Variants in SLC44A3 observed in about 807,000 individuals in gnomAD.
The protein encoded by SLC44A3 is choline transporter-like protein 3.
A neutral mutation model predicts 75.4 loss-of-function variants in SLC44A3; 74 were observed. That is an observed-to-expected ratio of 0.98 (90% CI 0.81 to 1.19). The LOEUF is 1.19. Among genes scored for constraint, SLC44A3 ranks in the 50% most tolerant of loss-of-function variants. The pLI, the probability that SLC44A3 is intolerant of heterozygous loss-of-function variation, is 0.00. For synonymous variants in SLC44A3, 310 were observed against 296.9 expected (o/e 1.04, Z -0.45); for missense variants, 700 against 778.6 (o/e 0.90, Z 1.20).
At chr1:94,876,117 G>C (rs570438619) in intron 12 of SLC44A3, among the ~76,000 whole-genome samples, 27 of 152,312 alleles carry the variant, frequency 1.8e-4, no homozygotes, top group Non-Finnish European at 3.7e-4. Flanking sequence ...GGGCTAGGCC[G>C]GGCCGGGCCG....
intron 13 of SLC44A3, among the ~76,000 whole-genome samples, chr1:94,891,740 T>C (rs1275576635): frequency 6.6e-6 from 1 of 152,044 alleles, no homozygotes; most frequent in African/African-American, 2.4e-5. Context: ...CTGGCCAACA[T>C]GGGAAAACCC....
chr1:94,824,544 T>G lies in SLC44A3; in HGVS notation c.187T>G (p.Phe63Val). 1 of 1,612,244 alleles carries G rather than the reference T, an allele frequency of 6.2e-7. No homozygotes were observed. The highest frequency in any genetic ancestry group is 8.5e-7 in the Non-Finnish European group (1 of 1,179,584). ...GGCTGGAGCCGCGGGAAGACTCCTCTTTGGCTATGACAGCTTTGGCAACAT... is the reference window on the plus strand; with the variant it reads ...GGCTGGAGCCGCGGGAAGACTCCTCGTTGGCTATGACAGCTTTGGCAACAT... ...VVAGAAGRLL[F>V]GYDSFGNMCG... Residue 63 changes from phenylalanine to valine, a missense_variant, in exon 3 of 15, where the codon TTT becomes GTT. Transcript: ENST00000271227.
intron 1 of SLC44A3, 35 bp downstream of exon 1, chr1:94,820,513 G>A (rs2100869240): frequency 6.7e-7 from 1 of 1,486,664 alleles, no homozygotes; most frequent in Non-Finnish European, 8.9e-7. Context: ...CGGGGGAGGA[G>A]CCCCGGGGAA....
chr1:94,821,521 C>A (rs1311745544), intron 2 of SLC44A3, among the ~76,000 whole-genome samples: 1 of 152,104 alleles, frequency 6.6e-6, no homozygotes, highest in Non-Finnish European at 1.5e-5. Flanking sequence ...GTTTAGCAGC[C>A]AACACTGTTA....
chr1:94,891,664 T>C (rs1670227651), intron 13 of SLC44A3, among the ~76,000 whole-genome samples: 1 of 152,230 alleles, frequency 6.6e-6, no homozygotes, highest in Non-Finnish European at 1.5e-5. Context: ...GGCTCACATG[T>C]GTAATCCCAG....
chr1:94,854,161 C>T (rs755806559), intron 9 of SLC44A3, among the ~76,000 whole-genome samples: 25 of 152,162 alleles, frequency 1.6e-4, no homozygotes, highest in Non-Finnish European at 3.5e-4. Flanking sequence ...TATTACCATT[C>T]TCCGATTTCA....
intron 7 of SLC44A3, among the ~76,000 whole-genome samples, chr1:94,840,280 T>C (rs1663415462): frequency 7.4e-6 from 1 of 135,730 alleles, no homozygotes; most frequent in Non-Finnish European, 1.6e-5. Context: ...CTTTTTCTTT[T>C]TCCTTTTTTT....
rs896974324 is a variant in SLC44A3, at chr1:94,845,616, G to T, written c.1072+152G>T. Reference sequence around the variant, plus strand: ...GTTGGTGCTTGGGGCTCTGTCATGGGGAAAAGTGGGAAGTTCTTTTACCTC... The same window carrying T: ...GTTGGTGCTTGGGGCTCTGTCATGGTGAAAAGTGGGAAGTTCTTTTACCTC... On this transcript the variant is annotated intron_variant, in intron 9 of 14. Coordinates refer to ENST00000271227, the MANE Select transcript of SLC44A3 (RefSeq NM_001114106.3). 6 of 622,246 alleles carry T rather than the reference G, an allele frequency of 9.6e-6. No homozygotes were observed. The East Asian group carries it at 1.5e-4, about 16-fold the overall frequency. The allele number at this position is 622,246 out of a possible 1,614,324, so 38.5% of individuals were successfully genotyped here.
chr1:94,820,755 C>T, intron 1 of SLC44A3, 194 bp from the exon 2 acceptor site: 1 of 1,390,772 alleles, frequency 7.2e-7, no homozygotes, highest in South Asian at 1.8e-5. Context: ...GCTTAACATC[C>T]GCTCCGCGCA....
chr1:94,885,814 A>G (rs772706025), intron 12 of SLC44A3, among the ~76,000 whole-genome samples: 4 of 152,236 alleles, frequency 2.6e-5, no homozygotes, highest in African/African-American at 7.2e-5. Flanking sequence ...CACATAGTAC[A>G]TGCAAGATTA....
chr1:94,881,420 A>G lies in SLC44A3; in HGVS notation c.1483-9710A>G, dbSNP rs150279560. Among the ~76,000 whole-genome samples the G allele has an allele frequency of 2.3e-3, 344 of 152,358 alleles. 3 individuals carry two copies. The highest frequency in any genetic ancestry group is 7.9e-3 in the African/African-American group (329 of 41,588). On this transcript the variant is annotated intron_variant, in intron 12 of 14. Transcript: ENST00000271227. ...AAGGTTGACATTCTCTTAAGAACCA[A>G]TCGGCCAGGCGCGGTGGCTGATGCC...
chr1:94,865,097 A>G (rs1303332796), intron 11 of SLC44A3, among the ~76,000 whole-genome samples, 198 bp downstream of exon 11: 1 of 151,972 alleles, frequency 6.6e-6, no homozygotes, highest in East Asian at 1.9e-4. Context: ...TGTTTTGTTT[A>G]TGGTTTTGTT....
At chr1:94,877,176 G>A (rs1194954623) in intron 12 of SLC44A3, among the ~76,000 whole-genome samples, 2 of 151,446 alleles carry the variant, frequency 1.3e-5, no homozygotes, top group Admixed American at 6.6e-5. Flanking sequence ...AAGACCCATA[G>A]ACCTTTGTTT....
At chr1:94,826,633 G>A (rs1661386261) in intron 3 of SLC44A3, among the ~76,000 whole-genome samples, 1 of 40,478 alleles carries the variant, frequency 2.5e-5, no homozygotes, top group Non-Finnish European at 6.6e-5. Context: ...GCGAGACTCT[G>A]TCTCAAAAAA....
At chr1:94,846,162 A>AC (rs1466306997) in intron 9 of SLC44A3, among the ~76,000 whole-genome samples, 4 of 151,518 alleles carry the variant, frequency 2.6e-5, no homozygotes, top group African/African-American at 9.7e-5. Flanking sequence ...AAAAAAAAAA[A>AC]AGTGTTATGC....
chr1:94,865,432 G>A (rs773978753), intron 11 of SLC44A3, among the ~76,000 whole-genome samples: 6 of 152,156 alleles, frequency 3.9e-5, no homozygotes, highest in Non-Finnish European at 8.8e-5. Flanking sequence ...GTGTATGTGT[G>A]TGTACATGCG....
rs893060554 is a variant in SLC44A3, at chr1:94,894,834, G to A, written c.1874G>A (p.Ser625Asn). 2.5e-6 allele frequency: 4 copies of A among 1,610,832 alleles called. No homozygotes were observed. Among genetic ancestry groups the A allele is most frequent in the Non-Finnish European group, 3.4e-6 (4 of 1,178,168 alleles). ...GTTTTTCAGAGTTTCGTAAAAAGGA[G>A]CAACAAATTAAACAATGCAAGGGCA... ...DQEFLSFVKR[S>N]NKLNNARAQQ... The change falls in exon 15 of 15, where the codon AGC (serine) becomes AAC (asparagine). Residue 625 changes from serine to asparagine, a missense_variant. Transcript: ENST00000271227.
intron 9 of SLC44A3, among the ~76,000 whole-genome samples, chr1:94,850,473 C>A (rs187192970): frequency 2.0e-5 from 3 of 152,088 alleles, no homozygotes; most frequent in African/African-American, 7.2e-5. Context: ...GGACTTCCCG[C>A]GAGGTCTGTG....
At chr1:94,824,974 G>A (rs1194529121) in intron 3 of SLC44A3, among the ~76,000 whole-genome samples, 5 of 152,214 alleles carry the variant, frequency 3.3e-5, no homozygotes, top group South Asian at 4.1e-4. Context: ...TATAATAAAC[G>A]TTAATTGCTG....
Sources: allele counts gnomAD v4.1 joint callset (sites outside exome capture counted in the v4.1 genomes callset), GRCh38; gene constraint gnomAD v4.1.1; transcripts MANE v1.5; gene names NCBI Gene and HGNC (gene_info 2026-07-23, HGNC 2026-07-21).